Variants in SLC35F3 observed in about 807,000 individuals in gnomAD.
SLC35F3 encodes putative thiamine transporter SLC35F3.
In SLC35F3, 25 loss-of-function variants were observed where a neutral mutation model predicts 49.9. The ratio of observed to expected loss-of-function variants is 0.50; its 90% CI spans 0.37 to 0.70. The LOEUF (loss-of-function observed/expected upper bound fraction) is 0.70. Among genes scored for constraint, SLC35F3 ranks in the 30% least tolerant of loss-of-function variants. The pLI, the probability that SLC35F3 is intolerant of heterozygous loss-of-function variation, is 0.00. For synonymous variants in SLC35F3, 275 were observed against 265.4 expected, an observed-to-expected ratio of 1.04 and a Z score of -0.35; for missense variants, 525 against 639.8, an observed-to-expected ratio of 0.82 and a Z score of 1.94.
intron 2 of SLC35F3, among the ~76,000 whole-genome samples, chr1:233,949,213 G>A (rs1240693036): frequency 6.6e-6 from 1 of 151,960 alleles, no homozygotes; most frequent in Non-Finnish European, 1.5e-5. Flanking sequence ...ACTTTTCCTC[G>A]AATGCCTCAT....
intron 2 of SLC35F3, among the ~76,000 whole-genome samples, chr1:234,016,378 T>C (rs187668512): frequency 7.4e-4 from 112 of 152,344 alleles, no homozygotes; most frequent in African/African-American, 2.5e-3. Flanking sequence ...AACCAAATTA[T>C]GGAATCAACC....
At chr1:234,133,025 C>G (rs938553305) in intron 2 of SLC35F3, among the ~76,000 whole-genome samples, 1 of 152,176 alleles carries the variant, frequency 6.6e-6, no homozygotes, top group Non-Finnish European at 1.5e-5. Flanking sequence ...AACTGTGGCA[C>G]AGAGCGGTTG....
chr1:234,236,925 TTATATATATATATATATATATA>T lies in SLC35F3; in HGVS notation c.608+5202_608+5223del, dbSNP rs55846915. 1.5e-3 allele frequency among the ~76,000 whole-genome samples: 140 copies of T among 96,296 alleles called. 1 individual carries two copies. The highest frequency in any genetic ancestry group is 4.7e-3 in the African/African-American group (116 of 24,686). 63.2% of individuals were successfully genotyped at this position (96,296 alleles called of 152,430 possible). On this transcript the variant is annotated intron_variant, in intron 3 of 7. Transcript: ENST00000366618. ...AGACAGTCTCCTATTAAAAAAAAAATTATATATATATATATATATATATATATATATATATATATGGAGGAAA... is the reference window on the plus strand; with the variant it reads ...AGACAGTCTCCTATTAAAAAAAAAATTATATATATATATATATGGAGGAAA...
At chr1:234,166,483 T>G (rs1666323011) in intron 2 of SLC35F3, among the ~76,000 whole-genome samples, 1 of 152,154 alleles carries the variant, frequency 6.6e-6, no homozygotes, top group South Asian at 2.1e-4. Context: ...CACTATCACC[T>G]CTCACCCTTG....
At chr1:234,052,369 G>A (rs1474014151) in intron 2 of SLC35F3, among the ~76,000 whole-genome samples, 1 of 152,034 alleles carries the variant, frequency 6.6e-6, no homozygotes, top group African/African-American at 2.4e-5. Flanking sequence ...GTCTTGGGAG[G>A]GTGTATATGT....
intron 4 of SLC35F3, among the ~76,000 whole-genome samples, chr1:234,311,775 C>T (rs1657361339): frequency 6.6e-6 from 1 of 152,196 alleles, no homozygotes; most frequent in South Asian, 2.1e-4. Context: ...TCTGTACGTT[C>T]CCTGGTTCTC....
chr1:234,086,221 C>G (rs1664958542), intron 2 of SLC35F3, among the ~76,000 whole-genome samples: 1 of 152,192 alleles, frequency 6.6e-6, no homozygotes, highest in Admixed American at 6.5e-5. Flanking sequence ...AGAGGACCAT[C>G]CTGTATTACA....
Position 234,154,989 on chromosome 1 carries a change from G to A in SLC35F3, c.284-76428G>A, listed in dbSNP as rs1048219137. Among the ~76,000 whole-genome samples the A allele has an allele frequency of 3.3e-5, 5 of 152,212 alleles. No individual in the cohort carries two copies. In the East Asian group the frequency reaches 9.6e-4, roughly 29 times the overall value. On this transcript the variant is annotated intron_variant, in intron 2 of 7. Coordinates refer to ENST00000366618, the MANE Select transcript of SLC35F3 (RefSeq NM_173508.4). Reference sequence around the variant, plus strand: ...TCAAGTCTCTTAGGCAAAATGATGTGTTATTTGTATATAACCTATGCACAT... The same window carrying A: ...TCAAGTCTCTTAGGCAAAATGATGTATTATTTGTATATAACCTATGCACAT...
intron 2 of SLC35F3, among the ~76,000 whole-genome samples, chr1:234,025,606 G>A (rs1663965561): frequency 6.6e-6 from 1 of 152,234 alleles, no homozygotes; most frequent in South Asian, 2.1e-4. Context: ...TTGTTGGCCA[G>A]ATGTATTTCT....
intron 2 of SLC35F3, among the ~76,000 whole-genome samples, chr1:233,908,610 C>T (rs540849367): frequency 2.9e-4 from 41 of 140,100 alleles, no homozygotes; most frequent in Non-Finnish European, 5.4e-4. Flanking sequence ...GGTGCAATCT[C>T]GGCTCACTGC....
At chr1:234,139,526 T>C (rs1022832153) in intron 2 of SLC35F3, among the ~76,000 whole-genome samples, 20 of 152,204 alleles carry the variant, frequency 1.3e-4, no homozygotes, top group African/African-American at 4.8e-4. Flanking sequence ...TCCTTTTACA[T>C]AAAATTGTTC....
At chr1:234,069,045 A>G (rs1372319107) in intron 2 of SLC35F3, among the ~76,000 whole-genome samples, 1 of 113,498 alleles carries the variant, frequency 8.8e-6, no homozygotes, top group Non-Finnish European at 1.7e-5. Flanking sequence ...ATATAATTTT[A>G]TATATAATAT....
At chr1:234,069,446 G>A (rs1664681424) in intron 2 of SLC35F3, among the ~76,000 whole-genome samples, 1 of 151,564 alleles carries the variant, frequency 6.6e-6, no homozygotes, top group South Asian at 2.1e-4. Context: ...CAGTAGAGAC[G>A]GAGTTTCACC....
chr1:233,948,228 G>GGAGA (rs150190453), intron 2 of SLC35F3, among the ~76,000 whole-genome samples: 8,455 of 106,914 alleles, frequency 0.079, 274 homozygotes, highest in Middle Eastern at 0.14. Context: ...AGGGAGAGAG[G>GGAGA]GAGAGAGAGA....
chr1:234,141,347 G>A (rs1012123502), intron 2 of SLC35F3, among the ~76,000 whole-genome samples: 8 of 152,032 alleles, frequency 5.3e-5, no homozygotes, highest in African/African-American at 1.9e-4. Flanking sequence ...GCCCCTCACA[G>A]GTCCTGCATG....
intron 2 of SLC35F3, among the ~76,000 whole-genome samples, chr1:234,060,778 C>T (rs1664528367): frequency 6.6e-6 from 1 of 152,094 alleles, no homozygotes; most frequent in South Asian, 2.1e-4. Context: ...TTAATCACTT[C>T]CCCACCTTTA....
At chr1:234,176,848 C>A (rs1666483961) in intron 2 of SLC35F3, among the ~76,000 whole-genome samples, 1 of 151,874 alleles carries the variant, frequency 6.6e-6, no homozygotes, top group Non-Finnish European at 1.5e-5. Context: ...ACTTTCTGGA[C>A]TACTATAACC....
At chr1:234,300,721 C>A (rs1462349480) in intron 3 of SLC35F3, among the ~76,000 whole-genome samples, 1 of 152,172 alleles carries the variant, frequency 6.6e-6, no homozygotes, top group Non-Finnish European at 1.5e-5. Context: ...TGGAAATTAA[C>A]CAACCAAAGA....
intron 2 of SLC35F3, among the ~76,000 whole-genome samples, chr1:234,018,467 TCTC>T (rs1301533858): frequency 8.5e-5 from 13 of 152,148 alleles, no homozygotes; most frequent in Non-Finnish European, 7.4e-5. Context: ...TTCTATATGT[TCTC>T]CTGCTTCTCC....
Sources: gnomAD v4.1 joint callset for allele counts (sites outside exome capture counted in the v4.1 genomes callset) on GRCh38, gnomAD v4.1.1 for gene constraint, MANE v1.5 for transcripts, NCBI Gene and HGNC (gene_info 2026-07-23, HGNC 2026-07-21) for gene names.